The following MARCHF1 variants were observed in gnomAD, a reference collection of about 807,000 sequenced individuals.
MARCHF1 encodes the protein membrane associated ring-CH-type finger 1.
In MARCHF1, 40 loss-of-function variants were observed where a neutral mutation model predicts 54.2. The observed-to-expected ratio is 0.74, with a 90% CI of 0.57 to 0.96. The LOEUF (loss-of-function observed/expected upper bound fraction) is 0.96, where lower values mean the gene tolerates loss of function less well. MARCHF1 is among the 40% of genes least tolerant of loss of function. The pLI, the probability that MARCHF1 is intolerant of heterozygous loss-of-function variation, is 0.00. For missense variants in MARCHF1, 586 were observed against 656.5 expected (o/e 0.89, Z 1.17); for synonymous variants, 236 against 236.3 (o/e 1.00, Z 0.01).
At chr4:163,676,280 G>T (rs1370461442) in intron 5 of MARCHF1, among the ~76,000 whole-genome samples, 3 of 150,556 alleles carry the variant, frequency 2.0e-5, no homozygotes, top group African/African-American at 7.3e-5. Context: ...TCCCTTGAAC[G>T]CGGGAGGCGG....
At chr4:163,715,218 G>A (rs1156804651) in intron 4 of MARCHF1, among the ~76,000 whole-genome samples, 1 of 152,090 alleles carries the variant, frequency 6.6e-6, no homozygotes, top group Non-Finnish European at 1.5e-5. Context: ...ATCATACTTT[G>A]ACCTAGGATG....
intron 3 of MARCHF1, among the ~76,000 whole-genome samples, chr4:163,958,409 G>C (rs1040734530): frequency 2.0e-5 from 3 of 151,978 alleles, no homozygotes; most frequent in African/African-American, 7.2e-5. Flanking sequence ...TCAGTGTCCA[G>C]AAGCTTAAAA....
intron 2 of MARCHF1, among the ~76,000 whole-genome samples, chr4:164,006,947 C>G (rs1314240517): frequency 1.7e-4 from 19 of 115,092 alleles, no homozygotes; most frequent in African/African-American, 6.5e-4. Context: ...TCACCACCAT[C>G]ATTCCCATCT....
intron 2 of MARCHF1, among the ~76,000 whole-genome samples, chr4:164,028,557 A>G (rs139092728): frequency 3.3e-4 from 51 of 152,266 alleles, no homozygotes; most frequent in African/African-American, 1.2e-3. Flanking sequence ...AACAACAGAC[A>G]CTGCAAACTA....
chr4:164,011,227 G>C (rs1385729162), intron 2 of MARCHF1, among the ~76,000 whole-genome samples: 1 of 152,118 alleles, frequency 6.6e-6, no homozygotes, highest in Non-Finnish European at 1.5e-5. Flanking sequence ...TTTTGTGTAA[G>C]ACCTCGAAAG....
chr4:163,704,917 A>T (rs769740829), intron 4 of MARCHF1, among the ~76,000 whole-genome samples: 2 of 151,696 alleles, frequency 1.3e-5, no homozygotes, highest in Non-Finnish European at 3.0e-5. Context: ...AGACTTATTA[A>T]GGGAAAGAGA....
intron 1 of MARCHF1, among the ~76,000 whole-genome samples, chr4:164,235,700 T>C (rs1339320462): frequency 4.6e-5 from 7 of 151,768 alleles, no homozygotes; most frequent in Non-Finnish European, 1.0e-4. Flanking sequence ...TGCAAAGGCA[T>C]ACAGAGTGAT....
intron 3 of MARCHF1, among the ~76,000 whole-genome samples, chr4:163,960,059 T>C (rs1752316618): frequency 6.6e-6 from 1 of 151,828 alleles, no homozygotes; most frequent in Admixed American, 6.6e-5. Flanking sequence ...GGAAAAAAGC[T>C]CAATATCACT....
intron 4 of MARCHF1, among the ~76,000 whole-genome samples, chr4:163,745,090 G>C (rs2110750384): frequency 6.6e-6 from 1 of 151,146 alleles, no homozygotes; most frequent in East Asian, 1.9e-4. Context: ...AGTGTTGCAT[G>C]CTCGTTTTTT....
At chr4:164,154,211 T>C (rs1730015803) in intron 1 of MARCHF1, among the ~76,000 whole-genome samples, 1 of 145,140 alleles carries the variant, frequency 6.9e-6, no homozygotes, top group Non-Finnish European at 1.5e-5. Flanking sequence ...CATTTGCCAT[T>C]AGGCCATTTA....
intron 4 of MARCHF1, among the ~76,000 whole-genome samples, chr4:163,796,716 C>T (rs1747928727): frequency 6.6e-6 from 1 of 151,860 alleles, no homozygotes; most frequent in African/African-American, 2.4e-5. Context: ...TGTTCTTTCC[C>T]CTATTCTGAT....
At chr4:164,078,723 G>T (rs998981147) in intron 2 of MARCHF1, among the ~76,000 whole-genome samples, 1 of 152,082 alleles carries the variant, frequency 6.6e-6, no homozygotes, top group Non-Finnish European at 1.5e-5. Flanking sequence ...AATTAGACAT[G>T]ACTATTTTAT....
At chr4:163,948,525 T>C (rs569190637) in intron 3 of MARCHF1, among the ~76,000 whole-genome samples, 1 of 152,204 alleles carries the variant, frequency 6.6e-6, no homozygotes, top group Non-Finnish European at 1.5e-5. Flanking sequence ...TTTCAGTCAA[T>C]ACAATCTATA....
intron 3 of MARCHF1, among the ~76,000 whole-genome samples, chr4:163,860,940 G>T (rs543119908): frequency 6.1e-4 from 93 of 152,240 alleles, no homozygotes; most frequent in Middle Eastern, 3.4e-3. Flanking sequence ...AAGCATGCTA[G>T]AAAGCTGGCA....
chr4:164,079,501 GACA>G (rs1374562014), intron 2 of MARCHF1, among the ~76,000 whole-genome samples: 4 of 151,996 alleles, frequency 2.6e-5, no homozygotes, highest in Admixed American at 6.6e-5. Flanking sequence ...TATTTATCTA[GACA>G]ACATCTCTTC....
In MARCHF1 at chr4:163,787,314, T is replaced by A. The variant is rs111676475; in HGVS notation, c.111+66707A>T. Among the ~76,000 whole-genome samples, 1,341 of 151,508 alleles carry A rather than the reference T, an allele frequency of 8.9e-3. 17 individuals are homozygous for A. Among genetic ancestry groups the A allele is most frequent in the African/African-American group, 0.031 (1,270 of 41,388 alleles). ...GCAATGTAAAAAAGGGACAAAATAT[T>A]TGGAAAACACATGACATATAAGGGG... On this transcript the variant is annotated intron_variant, in intron 4 of 9. Transcript: ENST00000514618.
At chr4:163,582,849 G>A (rs1244228437) in intron 8 of MARCHF1, among the ~76,000 whole-genome samples, 2 of 152,082 alleles carry the variant, frequency 1.3e-5, no homozygotes. Flanking sequence ...TATCTGTATA[G>A]TTTGTGTCAC....
intron 1 of MARCHF1, among the ~76,000 whole-genome samples, chr4:164,270,749 A>C (rs1733725499): frequency 6.6e-6 from 1 of 152,212 alleles, no homozygotes; most frequent in Admixed American, 6.5e-5. Context: ...CTAGGAAAAG[A>C]GGAAGGGATA....
intron 5 of MARCHF1, among the ~76,000 whole-genome samples, chr4:163,645,078 A>G (rs1057149661): frequency 6.6e-6 from 1 of 152,154 alleles, no homozygotes; most frequent in South Asian, 2.1e-4. Context: ...CCCTCCCAGG[A>G]ACCTGGAGGA....
Sources: allele counts gnomAD v4.1 joint callset (sites outside exome capture counted in the v4.1 genomes callset), GRCh38; gene constraint gnomAD v4.1.1; transcripts MANE v1.5; gene names NCBI Gene and HGNC (gene_info 2026-07-23, HGNC 2026-07-21).